Variants in CPQ observed in about 807,000 individuals in gnomAD.
CPQ encodes carboxypeptidase Q, also known as Ser-Met dipeptidase.
CPQ carries 37 observed loss-of-function variants against 45.7 expected under a neutral mutation model. The observed-to-expected ratio is 0.81, with a 90% CI of 0.62 to 1.07. The LOEUF (loss-of-function observed/expected upper bound fraction) is 1.07, where lower values mean the gene tolerates loss of function less well. Ranked by LOEUF, CPQ falls within the 50% of genes least tolerant of loss-of-function variation. CPQ has a pLI of 0.00. For missense variants in CPQ, 537 were observed against 572.9 expected, an observed-to-expected ratio of 0.94 and a Z score of 0.64; for synonymous variants, 186 against 205.8, an observed-to-expected ratio of 0.90 and a Z score of 0.82.
At chr8:96,926,655 CCTT>C (rs1350405583) in intron 4 of CPQ, among the ~76,000 whole-genome samples, 2 of 137,576 alleles carry the variant, frequency 1.5e-5, no homozygotes, top group Non-Finnish European at 3.1e-5. Flanking sequence ...TTCTCCTTCT[CCTT>C]CTCCCTATTC....
intron 1 of CPQ, among the ~76,000 whole-genome samples, chr8:96,723,655 A>C (rs936310269): frequency 2.6e-5 from 4 of 152,140 alleles, no homozygotes; most frequent in African/African-American, 9.7e-5. Flanking sequence ...TATAGGACAT[A>C]ATTTCGAGCT....
chr8:96,817,287 C>T (rs1461077358), intron 2 of CPQ, among the ~76,000 whole-genome samples: 4 of 152,138 alleles, frequency 2.6e-5, no homozygotes, highest in Non-Finnish European at 4.4e-5. Flanking sequence ...AATGAACCAA[C>T]CTCTGCTAGC....
chr8:96,981,386 A>C (rs1813893185), intron 5 of CPQ, among the ~76,000 whole-genome samples: 1 of 152,232 alleles, frequency 6.6e-6, no homozygotes, highest in African/African-American at 2.4e-5. Flanking sequence ...AAATGTTTCA[A>C]AAGCTATATT....
intron 4 of CPQ, among the ~76,000 whole-genome samples, chr8:96,937,234 C>G (rs1813064913): frequency 6.6e-6 from 1 of 152,082 alleles, no homozygotes; most frequent in Non-Finnish European, 1.5e-5. Flanking sequence ...CACTTAAACT[C>G]AGGGAATCAG....
At position 96,953,686 on chromosome 8, in the gene CPQ, A is replaced by C. The variant is rs542722853; in HGVS notation, c.850-12249A>C. On this transcript the variant is annotated intron_variant, in intron 4 of 7. Transcript: ENST00000220763. ...AAAGGGAGTATTACTTCACATAATC[A>C]ACAGCATTATTTTATTTTTATCAAT... Among the ~76,000 whole-genome samples, 13 of 152,278 alleles carry C rather than the reference A, an allele frequency of 8.5e-5. No individual in the cohort carries two copies. In the South Asian group the frequency reaches 2.7e-3, roughly 32 times the overall value.
chr8:97,019,804 C>G (rs771539158), intron 5 of CPQ, among the ~76,000 whole-genome samples: 7 of 152,222 alleles, frequency 4.6e-5, no homozygotes, highest in South Asian at 2.1e-4. Flanking sequence ...ACTGACAGCA[C>G]TAGACAGTTC....
intron 2 of CPQ, among the ~76,000 whole-genome samples, chr8:96,824,260 GGTCAA>G (rs1198883650): frequency 6.6e-6 from 1 of 152,000 alleles, no homozygotes; most frequent in Non-Finnish European, 1.5e-5. Flanking sequence ...ATGTGACCTA[GGTCAA>G]GTCTCAGCTT....
intron 1 of CPQ, among the ~76,000 whole-genome samples, chr8:96,703,727 G>C (rs1372147429): frequency 2.0e-5 from 3 of 152,082 alleles, no homozygotes; most frequent in African/African-American, 7.2e-5. Context: ...AGAGTCCACT[G>C]TTTACTTATC....
chr8:96,748,256 AT>A (rs2130783924), intron 1 of CPQ, among the ~76,000 whole-genome samples: 2 of 152,142 alleles, frequency 1.3e-5, no homozygotes, highest in South Asian at 4.2e-4. Context: ...CCCTCACATG[AT>A]TAATAAGTTG....
At chr8:96,905,846 A>T (rs1432600427) in intron 4 of CPQ, among the ~76,000 whole-genome samples, 1 of 151,992 alleles carries the variant, frequency 6.6e-6, no homozygotes, top group Non-Finnish European at 1.5e-5. Context: ...GTTAGTAAAA[A>T]ATTGGATAAG....
intron 7 of CPQ, among the ~76,000 whole-genome samples, chr8:97,122,519 C>T (rs116268645): frequency 0.016 from 2,480 of 151,974 alleles, 66 homozygotes; most frequent in African/African-American, 0.057. Context: ...TAAGAAATGT[C>T]GAAGGGAATT....
At chr8:97,074,771 C>CA (rs971389551) in intron 7 of CPQ, among the ~76,000 whole-genome samples, 2 of 150,662 alleles carry the variant, frequency 1.3e-5, no homozygotes, top group Admixed American at 6.6e-5. Context: ...GACTCTGTCT[C>CA]AAAAAAAAGA....
At chr8:97,130,218 G>T (rs1811924439) in intron 7 of CPQ, among the ~76,000 whole-genome samples, 1 of 152,096 alleles carries the variant, frequency 6.6e-6, no homozygotes, top group African/African-American at 2.4e-5. Flanking sequence ...GAATTCTAAA[G>T]GCTTTAGAGA....
At chr8:97,019,045 C>A (rs1282107291) in intron 5 of CPQ, among the ~76,000 whole-genome samples, 1 of 152,110 alleles carries the variant, frequency 6.6e-6, no homozygotes, top group African/African-American at 2.4e-5. Context: ...GAGCAGAAAC[C>A]CTGCAAGCTA....
intron 1 of CPQ, among the ~76,000 whole-genome samples, chr8:96,674,680 A>G (rs570852995): frequency 6.6e-6 from 1 of 152,140 alleles, no homozygotes; most frequent in African/African-American, 2.4e-5. Flanking sequence ...TTTTGCTTGA[A>G]GAAGACATTC....
At position 97,113,274 on chromosome 8, in the gene CPQ, C is replaced by G. The variant is rs569095246; in HGVS notation, c.1256-29746C>G. 5.3e-5 allele frequency among the ~76,000 whole-genome samples: 8 copies of G among 152,162 alleles called. No homozygotes were observed. The South Asian group carries it at 1.7e-3, about 32-fold the overall frequency. On this transcript the variant is annotated intron_variant, in intron 7 of 7. Transcript: ENST00000220763. ...TGTGCTGTCGCCCAGGCTGGAACCT[C>G]AAGAGGCTTGGCTCTGAAGGGAGGA... is the stretch of plus-strand genomic sequence containing the variant.
intron 7 of CPQ, among the ~76,000 whole-genome samples, chr8:97,067,409 T>C (rs1200137571): frequency 6.6e-6 from 1 of 152,192 alleles, no homozygotes; most frequent in Non-Finnish European, 1.5e-5. Context: ...ACTATACACA[T>C]AGGATGCCTA....
At chr8:97,130,475 C>A (rs930812211) in intron 7 of CPQ, among the ~76,000 whole-genome samples, 3 of 148,164 alleles carry the variant, frequency 2.0e-5, no homozygotes, top group African/African-American at 5.0e-5. Flanking sequence ...GTTTATCTCA[C>A]CAGAGAAGCA....
At chr8:96,939,773 A>G (rs1813101219) in intron 4 of CPQ, among the ~76,000 whole-genome samples, 1 of 152,240 alleles carries the variant, frequency 6.6e-6, no homozygotes, top group East Asian at 1.9e-4. Flanking sequence ...GCTGCTTATG[A>G]ACATTTTTGT....
Sources: allele counts gnomAD v4.1 joint callset (sites outside exome capture counted in the v4.1 genomes callset), GRCh38; gene constraint gnomAD v4.1.1; transcripts MANE v1.5; gene names NCBI Gene and HGNC (gene_info 2026-07-23, HGNC 2026-07-21).